CACNA1C: variants seen among roughly 807,000 people sequenced by gnomAD.
CACNA1C encodes the protein voltage-dependent L-type calcium channel subunit alpha-1C.
A neutral mutation model predicts 229.0 loss-of-function variants in CACNA1C; 30 were observed. That is an observed-to-expected ratio of 0.13 (90% CI 0.10 to 0.18). The LOEUF is 0.18. Ranked by LOEUF, CACNA1C falls within the 10% of genes least tolerant of loss-of-function variation. The probability of loss-of-function intolerance (pLI) is 1.00; values close to 1 mark genes in which losing one functional copy is unlikely to be tolerated. For missense variants in CACNA1C, 1,658 were observed against 2,845.0 expected, an observed-to-expected ratio of 0.58 and a Z score of 9.49; for synonymous variants, 1,114 against 1,132.5, an observed-to-expected ratio of 0.98 and a Z score of 0.33.
In CACNA1C at chr12:2,651,786, C is replaced by T; in HGVS notation, c.4074+18C>T. On this transcript the variant is annotated intron_variant, in intron 32 of 46. Transcript: ENST00000399655. The surrounding 1 kb of genome is among the most constrained non-coding windows in gnomAD (Gnocchi z 5.4). ...CCTTCCAGGTAGCCGCCCCTCATGTCCTGCGGCCCGGGGAATCGCAGGGCT... is the reference window on the plus strand; with the variant it reads ...CCTTCCAGGTAGCCGCCCCTCATGTTCTGCGGCCCGGGGAATCGCAGGGCT... The T allele has an allele frequency of 6.4e-7, 1 of 1,565,538 alleles. No homozygotes were observed. The highest frequency in any genetic ancestry group is 8.6e-7 in the Non-Finnish European group (1 of 1,159,738).
intron 3 of CACNA1C, among the ~76,000 whole-genome samples, chr12:2,162,015 T>C (rs1220059081): frequency 6.6e-6 from 1 of 152,188 alleles, no homozygotes; most frequent in Admixed American, 6.5e-5. Context: ...GATTGTAAGG[T>C]CAACAATGGT....
At chr12:2,463,380 T>C (rs2099528624) in intron 5 of CACNA1C, among the ~76,000 whole-genome samples, 1 of 152,218 alleles carries the variant, frequency 6.6e-6, no homozygotes, top group Non-Finnish European at 1.5e-5. Context: ...TTAGCCATTA[T>C]AGCAGATACA....
intron 3 of CACNA1C, among the ~76,000 whole-genome samples, chr12:2,366,124 G>A (rs1329882647): frequency 6.6e-6 from 1 of 152,182 alleles, no homozygotes; most frequent in African/African-American, 2.4e-5. Context: ...ATTAAATAGA[G>A]CTGAGGCATC....
At chr12:2,009,932 A>G (rs2044095869) in intron 1 of CACNA1C, among the ~76,000 whole-genome samples, 1 of 152,192 alleles carries the variant, frequency 6.6e-6, no homozygotes, top group Admixed American at 6.5e-5. Flanking sequence ...ATCAAGTGAG[A>G]AAATGTACCA....
At chr12:2,415,168 G>T (rs112259837) in intron 3 of CACNA1C, among the ~76,000 whole-genome samples, 4,422 of 152,286 alleles carry the variant, frequency 0.029, 70 homozygotes, top group Non-Finnish European at 0.045. Context: ...TCTTGCTCTT[G>T]TATGTTTTCT....
At chr12:2,409,382 T>C (rs1026827988) in intron 3 of CACNA1C, among the ~76,000 whole-genome samples, 2 of 152,138 alleles carry the variant, frequency 1.3e-5, no homozygotes, top group Non-Finnish European at 2.9e-5. Context: ...CTGGGAAGTA[T>C]CTTCAGGTTC....
At chr12:2,040,332 A>T (rs55964304) in intron 1 of CACNA1C, among the ~76,000 whole-genome samples, 7,697 of 152,260 alleles carry the variant, frequency 0.051, 268 homozygotes, top group Middle Eastern at 0.078. Context: ...GTGAGCCTTC[A>T]CTAAATGCAT....
At chr12:2,457,463 C>A in intron 4 of CACNA1C, 104 bp from the exon 5 acceptor site, 2 of 1,264,172 alleles carry the variant, frequency 1.6e-6, no homozygotes, top group South Asian at 3.1e-5. Context: ...GGGCTGGAGA[C>A]GCCTGCGCAA....
intron 3 of CACNA1C, among the ~76,000 whole-genome samples, chr12:2,121,251 G>A (rs1031318779): frequency 2.0e-5 from 3 of 152,186 alleles, no homozygotes; most frequent in Non-Finnish European, 2.9e-5. Flanking sequence ...CAGAGCCACC[G>A]TCTTTCCCCT....
chr12:2,346,923 C>G lies in CACNA1C; in HGVS notation c.478-102053C>G, dbSNP rs1056265613. 6.6e-6 allele frequency among the ~76,000 whole-genome samples: 1 copy of G among 152,170 alleles called. No individual in the cohort carries two copies. Among genetic ancestry groups the G allele is most frequent in the African/African-American group, 2.4e-5 (1 of 41,432 alleles). On this transcript the variant is annotated intron_variant, in intron 3 of 46. Transcript: ENST00000399655. This position sits in a 1 kb window ranked among gnomAD's most constrained non-coding sequence, Gnocchi z 4.4. Reference sequence around the variant, plus strand: ...CACCTCTGCATTTTTGCTGGTGTCTCCCTCTTCTCAGAATGCTAGTCCTTT... The same window carrying G: ...CACCTCTGCATTTTTGCTGGTGTCTGCCTCTTCTCAGAATGCTAGTCCTTT...
At chr12:2,425,290 A>G (rs951284037) in intron 3 of CACNA1C, among the ~76,000 whole-genome samples, 1 of 152,260 alleles carries the variant, frequency 6.6e-6, no homozygotes, top group African/African-American at 2.4e-5. Context: ...GGAATATAAA[A>G]TGATACGAAC....
At chr12:2,362,547 C>T (rs1450727290) in intron 3 of CACNA1C, among the ~76,000 whole-genome samples, 1 of 152,208 alleles carries the variant, frequency 6.6e-6, no homozygotes. Flanking sequence ...CAAGACAACA[C>T]TTGTTCTCCT....
rs2059702197 is a variant in CACNA1C at position 2,215,293 on chromosome 12, C to T, written c.477+94863C>T. On this transcript the variant is annotated intron_variant, in intron 3 of 46. Transcript: ENST00000399655. The surrounding 1 kb of genome is among the most constrained non-coding windows in gnomAD (Gnocchi z 5.0). ...TTTGCACTTCCTCATCATTCCCTTT[C>T]TGCGAGCTTGCCCACTTGCTAGGAT... is the stretch of plus-strand genomic sequence containing the variant. Among the ~76,000 whole-genome samples the T allele has an allele frequency of 6.6e-6, 1 of 152,206 alleles. No homozygotes were observed. Among genetic ancestry groups the T allele is most frequent in the Admixed American group, 6.5e-5 (1 of 15,286 alleles).
intron 3 of CACNA1C, among the ~76,000 whole-genome samples, chr12:2,265,800 C>G (rs2082176433): frequency 6.6e-6 from 1 of 152,218 alleles, no homozygotes; most frequent in African/African-American, 2.4e-5. Context: ...GCCTCAGTCT[C>G]CCACAGAGAG....
At position 2,029,296 on chromosome 12, in the gene CACNA1C, T is replaced by G. The variant is rs2429144; in HGVS notation, c.139+58095T>G. Among the ~76,000 whole-genome samples, 101,723 of 152,118 alleles carry G rather than the reference T, an allele frequency of 0.67. 35,896 individuals carry two copies. Among genetic ancestry groups the G allele is most frequent in the African/African-American group, 0.89 (36,967 of 41,526 alleles). Reference sequence around the variant, plus strand: ...TTTTAAAAATTGAGGTGTGATTCATTTCACATAAAATTAACCTGTGTACAA... The same window carrying G: ...TTTTAAAAATTGAGGTGTGATTCATGTCACATAAAATTAACCTGTGTACAA... On this transcript the variant is annotated intron_variant, in intron 1 of 46. Transcript: ENST00000682462. The surrounding 1 kb of genome is among the most constrained non-coding windows in gnomAD (Gnocchi z 4.9).
intron 34 of CACNA1C, among the ~76,000 whole-genome samples, chr12:2,661,757 A>G (rs1031683929): frequency 3.9e-5 from 6 of 152,382 alleles, no homozygotes; most frequent in East Asian, 1.9e-4. Context: ...GGCTAATTCA[A>G]GTAGAAAATC....
intron 1 of CACNA1C, among the ~76,000 whole-genome samples, chr12:2,031,534 T>C (rs540733039): frequency 5.9e-5 from 9 of 152,354 alleles, no homozygotes; most frequent in African/African-American, 2.2e-4. Flanking sequence ...ATAATGAGTT[T>C]CTTTTTTATT....
intron 3 of CACNA1C, among the ~76,000 whole-genome samples, chr12:2,226,378 G>A (rs2063031755): frequency 1.3e-5 from 2 of 152,038 alleles, no homozygotes; most frequent in African/African-American, 4.8e-5. Context: ...TAAATAACTT[G>A]GCCAAGGTCA....
intron 3 of CACNA1C, among the ~76,000 whole-genome samples, chr12:2,352,867 C>G (rs1036317139): frequency 6.6e-6 from 1 of 152,178 alleles, no homozygotes; most frequent in Non-Finnish European, 1.5e-5. Context: ...ATCTGTAAGA[C>G]TGGATAATGA....
Sources: gnomAD v4.1 joint callset for allele counts (sites outside exome capture counted in the v4.1 genomes callset) on GRCh38, gnomAD v4.1.1 for gene constraint, Gnocchi (gnomAD v3.1) non-coding constraint, MANE v1.5 for transcripts, NCBI Gene and HGNC (gene_info 2026-07-23, HGNC 2026-07-21) for gene names.